The following SATB1 variants were observed in gnomAD, a reference collection of about 807,000 sequenced individuals.
The protein encoded by SATB1 is SATB homeobox 1, also known as DNA-binding protein SATB1.
In SATB1, 11 loss-of-function variants were observed where a neutral mutation model predicts 86.9. The ratio of observed to expected loss-of-function variants is 0.13; its 90% CI spans 0.08 to 0.21. The LOEUF (loss-of-function observed/expected upper bound fraction) is 0.21. Ranked by LOEUF, SATB1 falls within the 10% of genes least tolerant of loss-of-function variation. The pLI is 1.00. For missense variants in SATB1, 551 were observed against 937.6 expected, an observed-to-expected ratio of 0.59 and a Z score of 5.39; for synonymous variants, 357 against 357.2, an observed-to-expected ratio of 1.00 and a Z score of 0.01.
rs1287358635 is a variant in SATB1, at chr3:18,425,138, C to CCTGCTG, written c.-1542_-1537dup. On this transcript the variant is annotated 5_prime_UTR_variant, in exon 1 of 11. Transcript: ENST00000338745. ...GGCTGCAGCCCTCTCCGCCGCTGCTCCTGCTGCTGCTGCCGCCGCCGCCGC... is the reference window on the plus strand; with the variant it reads ...GGCTGCAGCCCTCTCCGCCGCTGCTCCTGCTGCTGCTGCTGCTGCCGCCGCCGCCGC... 220 of 175,842 alleles carry CCTGCTG rather than the reference C, an allele frequency of 1.3e-3. 1 individual carries two copies. Among genetic ancestry groups the CCTGCTG allele is most frequent in the African/African-American group, 4.6e-3 (193 of 41,794 alleles). The allele number at this position is 175,842 out of a possible 1,614,324, so 10.9% of individuals were successfully genotyped here.
chr3:18,379,357 A>C (rs1450199278), intron 8 of SATB1, among the ~76,000 whole-genome samples: 2 of 152,180 alleles, frequency 1.3e-5, no homozygotes, highest in Non-Finnish European at 2.9e-5. Context: ...TGAAAATATA[A>C]ATGAAAAATT....
At chr3:18,419,370 C>T (rs558045352) in intron 2 of SATB1, among the ~76,000 whole-genome samples, 1 of 152,214 alleles carries the variant, frequency 6.6e-6, no homozygotes, top group Non-Finnish European at 1.5e-5. Context: ...CTAAAAATAC[C>T]ACATGATTTA....
intron 9 of SATB1, among the ~76,000 whole-genome samples, chr3:18,356,533 C>G (rs960870112): frequency 2.6e-5 from 4 of 151,066 alleles, no homozygotes; most frequent in African/African-American, 9.7e-5. Context: ...GTCCATGAAA[C>G]ACATGACTGT....
In SATB1 at chr3:18,370,228, C is replaced by A. The variant is rs536896519; in HGVS notation, c.1575+7942G>T. ...AAGCATATTTTGGAATGATAAGCAG[C>A]GCTGGACTTTTACTATAGCAAAAAA... is the stretch of plus-strand genomic sequence containing the variant. On this transcript the variant is annotated intron_variant, in intron 9 of 10. Coordinates refer to ENST00000338745, the MANE Select transcript of SATB1 (RefSeq NM_002971.6). 3.9e-5 allele frequency among the ~76,000 whole-genome samples: 6 copies of A among 152,178 alleles called. 1 individual carries two copies. The South Asian group carries it at 1.2e-3, about 32-fold the overall frequency.
At position 18,402,283 on chromosome 3, in the gene SATB1, G is replaced by A. The variant is rs548567823; in HGVS notation, c.640-4993C>T. Among the ~76,000 whole-genome samples, 12 of 152,076 alleles carry A rather than the reference G, an allele frequency of 7.9e-5. No homozygotes were observed. The South Asian group carries it at 2.3e-3, about 29-fold the overall frequency. On this transcript the variant is annotated intron_variant, in intron 5 of 10. Coordinates refer to ENST00000338745, the MANE Select transcript of SATB1 (RefSeq NM_002971.6). ...TCTCAAAAAAAGATTCATCAGATGGGGAAAGGCAGTGATCTGATTACCCTT... is the reference window on the plus strand; with the variant it reads ...TCTCAAAAAAAGATTCATCAGATGGAGAAAGGCAGTGATCTGATTACCCTT...
intron 7 of SATB1, among the ~76,000 whole-genome samples, chr3:18,389,973 G>A (rs144580972): frequency 9.9e-5 from 15 of 152,182 alleles, no homozygotes; most frequent in African/African-American, 3.6e-4. Flanking sequence ...TTAAGTCAGA[G>A]TTCTAATTTT....
intron 5 of SATB1, among the ~76,000 whole-genome samples, chr3:18,411,266 G>T (rs1441608869): frequency 6.6e-6 from 1 of 152,122 alleles, no homozygotes. Context: ...TGTGATGTGT[G>T]TGTGTGCACG....
intron 10 of SATB1, chr3:18,351,547 T>C (rs1559387947): frequency 4.7e-6 from 3 of 633,042 alleles, no homozygotes; most frequent in Non-Finnish European, 8.1e-6. Flanking sequence ...TCCCCTCCTC[T>C]TTCTGGACAG....
At chr3:18,390,017 TA>T (rs1321962194) in intron 7 of SATB1, among the ~76,000 whole-genome samples, 1 of 152,184 alleles carries the variant, frequency 6.6e-6, no homozygotes, top group African/African-American at 2.4e-5. Flanking sequence ...GCTGAATTCC[TA>T]AACCTGTTTT....
chr3:18,419,750 C>T (rs533326695), intron 2 of SATB1, among the ~76,000 whole-genome samples: 18 of 152,162 alleles, frequency 1.2e-4, no homozygotes, highest in Admixed American at 9.2e-4. Context: ...TGAGTAGAGG[C>T]CAAAGAATTT....
In SATB1 at chr3:18,425,263, CCCG is replaced by C. The variant is rs1326598948; in HGVS notation, c.-1664_-1662del. The C allele has an allele frequency of 2.6e-5, 4 of 154,324 alleles. No homozygotes were observed. Among genetic ancestry groups the C allele is most frequent in the Non-Finnish European group, 5.8e-5 (4 of 69,306 alleles). 9.6% of individuals were successfully genotyped at this position (154,324 alleles called of 1,614,324 possible). On this transcript the variant is annotated 5_prime_UTR_variant, in exon 1 of 11. Transcript: ENST00000338745. ...CGAGCACGCAGCCTCCTCCCGGCCG[CCCG>C]CCGCCGCCCGGAGCCTTCCCCAGCG...
At chr3:18,395,671 G>A (rs918807004) in intron 6 of SATB1, among the ~76,000 whole-genome samples, 2 of 152,220 alleles carry the variant, frequency 1.3e-5, no homozygotes, top group Middle Eastern at 3.4e-3. Context: ...TTTTCTTCAG[G>A]AAGCTATGGC....
chr3:18,370,542 A>G (rs1229739719), intron 9 of SATB1, among the ~76,000 whole-genome samples: 1 of 148,966 alleles, frequency 6.7e-6, no homozygotes, highest in Admixed American at 6.7e-5. Flanking sequence ...AAAAAGAGGA[A>G]AAACAAAAAA....
chr3:18,428,915 G>A (rs768373111), upstream of SATB1, among the ~76,000 whole-genome samples: 1 of 152,166 alleles, frequency 6.6e-6, no homozygotes, highest in African/African-American at 2.4e-5. Context: ...TTTAGAATTC[G>A]AGTGCTTTTA....
chr3:18,433,049 A>G (rs1247264700), intron 2 of SATB1, among the ~76,000 whole-genome samples: 1 of 152,214 alleles, frequency 6.6e-6, no homozygotes, highest in African/African-American at 2.4e-5. Context: ...ATTGGTAATT[A>G]GAGACCAAGA....
rs1696877346 is a variant in SATB1 at position 18,394,787 on chromosome 3, G to A, written c.881C>T (p.Pro294Leu). The part of the protein sequence containing the change: ...SPAQLSHGSQ[P>L]SVRTPLPNLH... Reference sequence around the variant, plus strand: ...GTTTGGAAGAGGTGTCCGGACAGAGGGCTGGCTGCCATGGGAGAGCTGCGC... The same window carrying A: ...GTTTGGAAGAGGTGTCCGGACAGAGAGCTGGCTGCCATGGGAGAGCTGCGC... The change falls in exon 7 of 11, where the codon CCC becomes CTC. Residue 294 changes from proline (P) to leucine (L), a missense_variant. Pro to Leu is a moderately conservative substitution (Grantham distance 98). Transcript: ENST00000338745. The surrounding 1 kb of genome is among the most constrained non-coding windows in gnomAD (Gnocchi z 5.9). 1 of 1,614,006 alleles carries A rather than the reference G, an allele frequency of 6.2e-7. No individual in the cohort carries two copies.
chr3:18,351,939 G>C (rs1694384001), intron 10 of SATB1, 53 bp downstream of exon 10: 2 of 1,563,588 alleles, frequency 1.3e-6, no homozygotes, highest in Non-Finnish European at 8.8e-7. Context: ...TCCCTGCTAA[G>C]TTTAAAGCTT....
At chr3:18,431,721 C>G (rs6550554) in intron 2 of SATB1, among the ~76,000 whole-genome samples, 59,532 of 151,980 alleles carry the variant, frequency 0.39, 13,148 homozygotes, top group East Asian at 0.61. Context: ...GAAAAGCTAA[C>G]CTGTTGTATG....
intron 8 of SATB1, among the ~76,000 whole-genome samples, chr3:18,379,519 C>T (rs1374926403): frequency 6.6e-6 from 1 of 152,148 alleles, no homozygotes; most frequent in East Asian, 1.9e-4. Context: ...ATGAAGTATG[C>T]TGTAGAATAA....
Sources: allele counts gnomAD v4.1 joint callset (sites outside exome capture counted in the v4.1 genomes callset), GRCh38; gene constraint gnomAD v4.1.1; non-coding constraint Gnocchi (gnomAD v3.1); transcripts MANE v1.5; gene names NCBI Gene and HGNC (gene_info 2026-07-23, HGNC 2026-07-21).